The following DNAH8 variants were observed in gnomAD, a reference collection of about 807,000 sequenced individuals.
The protein encoded by DNAH8 is axonemal beta dynein heavy chain 8.
Under a neutral mutation model 562.1 loss-of-function variants are expected in DNAH8, and 382 were observed. That is an observed-to-expected ratio of 0.68 (90% confidence interval 0.63 to 0.74). The LOEUF (loss-of-function observed/expected upper bound fraction) is 0.74. Among genes scored for constraint, DNAH8 ranks in the 30% least tolerant of loss-of-function variants. The pLI, the probability that DNAH8 is intolerant of heterozygous loss-of-function variation, is 0.00. For synonymous variants in DNAH8, 1,881 were observed against 1,919.4 expected (o/e 0.98, Z 0.52); for missense variants, 5,203 against 5,620.4 (o/e 0.93, Z 2.37).
chr6:38,970,257 G>A (rs867689130), intron 82 of DNAH8, among the ~76,000 whole-genome samples: 8 of 152,212 alleles, frequency 5.3e-5, no homozygotes, highest in Admixed American at 2.0e-4. Flanking sequence ...GTGTTCTTCC[G>A]AAATAAGTGG....
chr6:38,891,201 C>G (rs747673186), intron 58 of DNAH8, among the ~76,000 whole-genome samples: 1 of 152,134 alleles, frequency 6.6e-6, no homozygotes, highest in Non-Finnish European at 1.5e-5. Context: ...TGAGCAGGAG[C>G]GTGAGTTAGT....
intron 64 of DNAH8, among the ~76,000 whole-genome samples, chr6:38,908,833 A>G (rs1780673869): frequency 6.6e-6 from 1 of 152,188 alleles, no homozygotes; most frequent in African/African-American, 2.4e-5. Context: ...GATTACAGGC[A>G]TGAGCTACCG....
chr6:38,951,409 C>T lies in DNAH8; in HGVS notation c.12340C>T (p.Leu4114=), dbSNP rs1172122750. Residue 4114 remains leucine (L), a synonymous_variant, in exon 82 of 93, where the codon CTG becomes TTG. Coordinates refer to ENST00000327475, the MANE Select transcript of DNAH8 (RefSeq NM_001206927.2). The part of the protein sequence containing the change: ...EKYTEPVILN[L]EKTWEESDTR... ...GTACACAGAACCAGTTATCTTAAAT[C>T]TGGAGAAAACTTGGGAAGAAAGTGA... The T allele has an allele frequency of 1.9e-6, 3 of 1,614,092 alleles. No homozygotes were observed. The highest frequency in any genetic ancestry group is 2.2e-5 in the East Asian group (1 of 44,870).
intron 24 of DNAH8, among the ~76,000 whole-genome samples, chr6:38,809,104 A>G (rs918565595): frequency 5.3e-5 from 8 of 152,102 alleles, no homozygotes; most frequent in Admixed American, 3.9e-4. Flanking sequence ...AAAAAAAAGA[A>G]AAAAAATTGT....
intron 82 of DNAH8, among the ~76,000 whole-genome samples, chr6:38,955,814 T>C (rs998808621): frequency 1.3e-5 from 2 of 152,068 alleles, no homozygotes; most frequent in African/African-American, 2.4e-5. Flanking sequence ...GGGATATAGG[T>C]AGAAGGTTGT....
intron 86 of DNAH8, among the ~76,000 whole-genome samples, chr6:38,983,363 T>C (rs953976302): frequency 2.0e-5 from 3 of 152,214 alleles, no homozygotes; most frequent in Non-Finnish European, 4.4e-5. Flanking sequence ...TAAGCCATGA[T>C]GAGTGTTTAC....
At chr6:38,727,516 G>T (rs1763323931) in intron 3 of DNAH8, among the ~76,000 whole-genome samples, 1 of 152,148 alleles carries the variant, frequency 6.6e-6, no homozygotes, top group Non-Finnish European at 1.5e-5. Context: ...TCTCAACCTG[G>T]CCCTAGTCAT....
chr6:39,018,247 T>TTACCTTCC (rs1426759893), intron 91 of DNAH8, among the ~76,000 whole-genome samples: 7 of 152,174 alleles, frequency 4.6e-5, no homozygotes, highest in African/African-American at 1.2e-4. Context: ...CTGCATGTGT[T>TTACCTTCC]TACCTTCCTT....
chr6:38,724,776 G>A (rs1310200830), intron 3 of DNAH8, among the ~76,000 whole-genome samples: 1 of 152,110 alleles, frequency 6.6e-6, no homozygotes, highest in Non-Finnish European at 1.5e-5. Flanking sequence ...GGCTTTTTCT[G>A]AACCCTAGGA....
intron 85 of DNAH8, among the ~76,000 whole-genome samples, chr6:38,975,051 ACT>A (rs1387167307): frequency 2.6e-5 from 4 of 151,848 alleles, no homozygotes; most frequent in Non-Finnish European, 5.9e-5. Context: ...TATTGTTTTG[ACT>A]CTATTTATTA....
chr6:38,943,707 G>T (rs1783633839), intron 79 of DNAH8, among the ~76,000 whole-genome samples: 1 of 152,146 alleles, frequency 6.6e-6, no homozygotes. Context: ...AGACACCTTA[G>T]GGGGTCTTTT....
At chr6:38,926,302 T>C in intron 74 of DNAH8, 92 bp downstream of exon 74, 1 of 1,374,900 alleles carries the variant, frequency 7.3e-7, no homozygotes, top group Non-Finnish European at 9.9e-7. Context: ...AGTTGTCATC[T>C]CCATGACAAA....
intron 82 of DNAH8, among the ~76,000 whole-genome samples, chr6:38,951,916 A>G (rs986364877): frequency 5.9e-5 from 9 of 152,234 alleles, no homozygotes; most frequent in Admixed American, 2.0e-4. Context: ...ATTGTAATGC[A>G]TAGTAGTTAG....
At chr6:38,761,891 G>GA in intron 11 of DNAH8, 88 bp downstream of exon 11, 1 of 677,158 alleles carries the variant, frequency 1.5e-6, no homozygotes, top group African/African-American at 1.9e-5. Context: ...TATGTTAACT[G>GA]AAAAAACTTC....
At chr6:38,798,032 C>G (rs116400195) in intron 21 of DNAH8, among the ~76,000 whole-genome samples, 4 of 151,378 alleles carry the variant, frequency 2.6e-5, no homozygotes, top group African/African-American at 9.7e-5. Context: ...GAGCCGAGAC[C>G]GTGTCCACTC....
chr6:38,743,151 G>A (rs1234944191), intron 8 of DNAH8, among the ~76,000 whole-genome samples: 1 of 151,448 alleles, frequency 6.6e-6, no homozygotes, highest in Admixed American at 6.6e-5. Context: ...CTGAGTAGCT[G>A]GGACTACTGT....
At chr6:38,767,282 C>G in intron 11 of DNAH8, among the ~76,000 whole-genome samples, 1 of 152,024 alleles carries the variant, frequency 6.6e-6, no homozygotes. Flanking sequence ...ACTAAAAATA[C>G]AAAAATTAGC....
chr6:38,952,450 T>A (rs1251382791), intron 82 of DNAH8, among the ~76,000 whole-genome samples: 1 of 152,206 alleles, frequency 6.6e-6, no homozygotes, highest in Non-Finnish European at 1.5e-5. Context: ...ATTTGCAATC[T>A]TCTAGGGTCA....
chr6:38,832,478 A>G (rs1773924268), intron 31 of DNAH8, 43 bp downstream of exon 31: 1 of 1,201,526 alleles, frequency 8.3e-7, no homozygotes, highest in African/African-American at 1.5e-5. Flanking sequence ...ATGTTCTGTG[A>G]TGTGTTTATA....
Sources: gnomAD v4.1 joint callset for allele counts (sites outside exome capture counted in the v4.1 genomes callset) on GRCh38, gnomAD v4.1.1 for gene constraint, MANE v1.5 for transcripts, NCBI Gene and HGNC (gene_info 2026-07-23, HGNC 2026-07-21) for gene names.